Variants in PREX1 observed in about 807,000 individuals in gnomAD.
PREX1 encodes phosphatidylinositol 3,4,5-trisphosphate-dependent Rac exchanger 1 protein.
Under a neutral mutation model 198.3 loss-of-function variants are expected in PREX1, and 41 were observed. The ratio of observed to expected loss-of-function variants is 0.21; its 90% confidence interval spans 0.16 to 0.27. The LOEUF (loss-of-function observed/expected upper bound fraction) is 0.27. PREX1 is among the 10% of genes least tolerant of loss of function. The pLI is 1.00. For synonymous variants in PREX1, 843 were observed against 887.2 expected (o/e 0.95, Z 0.89); for missense variants, 1,620 against 2,200.7 (o/e 0.74, Z 5.28).
intron 1 of PREX1, among the ~76,000 whole-genome samples, chr20:48,794,772 G>T (rs189229994): frequency 1.3e-5 from 2 of 152,362 alleles, no homozygotes; most frequent in Non-Finnish European, 2.9e-5. Flanking sequence ...GGCCTTGGAT[G>T]TTGGGGAGAC....
chr20:48,829,322 A>C (rs1057179827), upstream of PREX1, among the ~76,000 whole-genome samples: 8 of 152,238 alleles, frequency 5.3e-5, no homozygotes, highest in Non-Finnish European at 1.0e-4. Flanking sequence ...AGTGATCCAC[A>C]TAGTATCCGC....
intron 1 of PREX1, among the ~76,000 whole-genome samples, chr20:48,788,411 G>A (rs928663630): frequency 3.3e-5 from 5 of 152,166 alleles, no homozygotes; most frequent in Non-Finnish European, 7.3e-5. Flanking sequence ...CTCTGGCCCT[G>A]AGGATGATGG....
At chr20:48,809,644 T>A (rs558307578) in intron 1 of PREX1, among the ~76,000 whole-genome samples, 24 of 152,232 alleles carry the variant, frequency 1.6e-4, no homozygotes, top group Middle Eastern at 3.4e-3. Context: ...ATCTTCAAGA[T>A]GAGGGAGAAA....
At chr20:48,715,733 T>C (rs989514618) in intron 5 of PREX1, among the ~76,000 whole-genome samples, 2 of 152,224 alleles carry the variant, frequency 1.3e-5, no homozygotes, top group South Asian at 4.1e-4. Context: ...TTCTGCATAG[T>C]AGGAATAATA....
chr20:48,639,941 T>C (rs4611698), intron 29 of PREX1, 47 bp from the exon 30 acceptor site: 434,771 of 1,598,384 alleles, frequency 0.27, 60,669 homozygotes, highest in South Asian at 0.38. Flanking sequence ...ACGGAGGTAG[T>C]GTTGGAGAAC....
chr20:48,738,729 G>A (rs112635436), intron 3 of PREX1, among the ~76,000 whole-genome samples: 68 of 152,194 alleles, frequency 4.5e-4, no homozygotes, highest in African/African-American at 1.6e-3. Flanking sequence ...GGGGAGGGGA[G>A]CTCACCCCCA....
At chr20:48,759,763 C>T (rs1292572330) in intron 1 of PREX1, among the ~76,000 whole-genome samples, 2 of 151,942 alleles carry the variant, frequency 1.3e-5, no homozygotes, top group African/African-American at 4.8e-5. Context: ...ACATAACAAG[C>T]ACTTGAATGG....
the PREX1 span, among the ~76,000 whole-genome samples, chr20:48,874,130 T>C: frequency 6.5e-4 from 99 of 152,350 alleles, no homozygotes; most frequent in African/African-American, 2.2e-3. Context: ...GTAATTATTA[T>C]ATGGACTCTA....
intron 6 of PREX1, among the ~76,000 whole-genome samples, chr20:48,706,508 G>A (rs576029127): frequency 6.6e-6 from 1 of 152,284 alleles, no homozygotes; most frequent in South Asian, 2.1e-4. Flanking sequence ...CAATGAAAGG[G>A]GACACCTGTA....
chr20:48,773,419 G>A (rs960501907), intron 1 of PREX1, among the ~76,000 whole-genome samples: 5 of 151,970 alleles, frequency 3.3e-5, no homozygotes, highest in African/African-American at 4.8e-5. Flanking sequence ...CCTGATCACC[G>A]CTAAGCATGT....
rs1451136900 is a variant in PREX1 at position 48,827,753 on chromosome 20, C to CGGGCCG, written c.102_107dup (p.Gly35_Pro36dup). 8.2e-6 allele frequency: 10 copies of CGGGCCG among 1,226,324 alleles called. No homozygotes were observed. Among genetic ancestry groups the CGGGCCG allele is most frequent in the Admixed American group, 4.3e-5 (1 of 23,498 alleles). 76.0% of individuals were successfully genotyped at this position (1,226,324 alleles called of 1,614,324 possible). A position where few individuals can be genotyped will look rare whatever the true frequency, so the allele number is the denominator to read the frequency against. ...GCTCGGACTCCCGGGCGGCCGCGCA[C>CGGGCCG]GGGCCGGGGCCGGAGCTGGGCGCCG... On this transcript the variant is annotated inframe_insertion, in exon 1 of 40. Transcript: ENST00000371941. The surrounding 1 kb of genome is among the most constrained non-coding windows in gnomAD (Gnocchi z 4.1).
chr20:48,835,085 C>T, the PREX1 span, among the ~76,000 whole-genome samples: 2 of 152,198 alleles, frequency 1.3e-5, no homozygotes, highest in Non-Finnish European at 1.5e-5. Context: ...ATCACTTCTG[C>T]TCCCACCCTA....
chr20:48,835,373 C>G, the PREX1 span, among the ~76,000 whole-genome samples: 1 of 152,186 alleles, frequency 6.6e-6, no homozygotes, highest in Non-Finnish European at 1.5e-5. Context: ...TGCTTACGTT[C>G]TAGGGACAGA....
chr20:48,780,959 CAG>C (rs1253329349), intron 1 of PREX1, among the ~76,000 whole-genome samples: 10 of 152,174 alleles, frequency 6.6e-5, no homozygotes, highest in Non-Finnish European at 1.3e-4. Flanking sequence ...TTAAAATGCA[CAG>C]AGAGGGGCAC....
chr20:48,674,400 A>C (rs2089695184), intron 14 of PREX1, among the ~76,000 whole-genome samples: 1 of 152,226 alleles, frequency 6.6e-6, no homozygotes, highest in African/African-American at 2.4e-5. Context: ...TTTCAAATGA[A>C]GTTTTTATGA....
chr20:48,692,426 C>G (rs2089824021), intron 8 of PREX1: 1 of 359,758 alleles, frequency 2.8e-6, no homozygotes, highest in Non-Finnish European at 5.1e-6. Context: ...AAAATTCAGA[C>G]AGTGGTTACT....
intron 1 of PREX1, among the ~76,000 whole-genome samples, chr20:48,818,246 T>C (rs911287821): frequency 1.3e-5 from 2 of 152,092 alleles, no homozygotes; most frequent in African/African-American, 4.8e-5. Flanking sequence ...AACTGGATAA[T>C]GGGGATGACT....
chr20:48,781,888 C>T (rs1162705482), intron 1 of PREX1, among the ~76,000 whole-genome samples: 1 of 152,198 alleles, frequency 6.6e-6, no homozygotes, highest in African/African-American at 2.4e-5. Flanking sequence ...AAGTTTCCAA[C>T]AATTGAACCT....
Position 48,637,762 on chromosome 20 carries a change from G to C in PREX1, c.3905-10C>G. 3.7e-6 allele frequency: 6 copies of C among 1,609,358 alleles called. No homozygotes were observed. Among genetic ancestry groups the C allele is most frequent in the Non-Finnish European group, 5.1e-6 (6 of 1,177,312 alleles). ...AGCTGGTTCTTCCCATCTGGAAGGA[G>C]AAGGGAGACAGAAAGGGGGACGGGC... is the stretch of plus-strand genomic sequence containing the variant. On this transcript the variant is annotated splice_polypyrimidine_tract_variant and intron_variant, in intron 30 of 39. Coordinates refer to ENST00000371941, the MANE Select transcript of PREX1 (RefSeq NM_020820.4).
Sources: allele counts gnomAD v4.1 joint callset (sites outside exome capture counted in the v4.1 genomes callset), GRCh38; gene constraint gnomAD v4.1.1; non-coding constraint Gnocchi (gnomAD v3.1); transcripts MANE v1.5; gene names NCBI Gene and HGNC (gene_info 2026-07-23, HGNC 2026-07-21).